DOCK4: variants seen among roughly 807,000 people sequenced by gnomAD.
DOCK4 encodes the protein dedicator of cytokinesis protein 4.
Under a neutral mutation model 268.1 loss-of-function variants are expected in DOCK4, and 97 were observed. The ratio of observed to expected loss-of-function variants is 0.36; its 90% CI spans 0.31 to 0.43. The LOEUF (loss-of-function observed/expected upper bound fraction) is 0.43, where lower values mean the gene tolerates loss of function less well. DOCK4 is among the 20% of genes least tolerant of loss of function. The pLI is 1.00. For synonymous variants in DOCK4, 954 were observed against 887.2 expected (o/e 1.08, Z -1.34); for missense variants, 2,145 against 2,455.7 (o/e 0.87, Z 2.67).
chr7:112,072,714 T>C (rs1326028486), intron 1 of DOCK4, among the ~76,000 whole-genome samples: 1 of 152,162 alleles, frequency 6.6e-6, no homozygotes, highest in Non-Finnish European at 1.5e-5. Flanking sequence ...CACCAGGAAG[T>C]GGCCATCTCC....
chr7:111,983,170 A>T (rs914534467), intron 7 of DOCK4, among the ~76,000 whole-genome samples: 3 of 152,252 alleles, frequency 2.0e-5, no homozygotes, highest in Admixed American at 1.3e-4. Flanking sequence ...TAATCTGAAC[A>T]TCAATTTGAT....
At chr7:111,795,216 C>A (rs73434233) in intron 30 of DOCK4, among the ~76,000 whole-genome samples, 8,437 of 152,084 alleles carry the variant, frequency 0.055, 746 homozygotes, top group African/African-American at 0.19. Context: ...CCTGGTAGTC[C>A]CAGCTACTTG....
chr7:112,181,454 G>A (rs558259098), intron 1 of DOCK4, among the ~76,000 whole-genome samples: 91 of 151,998 alleles, frequency 6.0e-4, no homozygotes, highest in African/African-American at 2.1e-3. Context: ...AGCACAGTTC[G>A]GGACCAGACT....
intron 13 of DOCK4, among the ~76,000 whole-genome samples, chr7:111,915,360 T>A (rs1192189517): frequency 6.6e-6 from 1 of 152,172 alleles, no homozygotes; most frequent in African/African-American, 2.4e-5. Flanking sequence ...TATGGCTAAC[T>A]AGTGTTCAGT....
At chr7:111,767,952 T>C (rs537513645) in intron 37 of DOCK4, among the ~76,000 whole-genome samples, 1 of 152,248 alleles carries the variant, frequency 6.6e-6, no homozygotes, top group African/African-American at 2.4e-5. Context: ...AAAACTTTAG[T>C]CTTTGAGGAC....
intron 22 of DOCK4, among the ~76,000 whole-genome samples, chr7:111,864,403 C>T (rs567760533): frequency 5.3e-5 from 8 of 152,242 alleles, no homozygotes; most frequent in African/African-American, 1.9e-4. Context: ...GAAGAAGAGT[C>T]GACTAGCTTC....
At chr7:111,819,985 T>C (rs1194642472) in intron 27 of DOCK4, 1 of 152,226 alleles carries the variant, frequency 6.6e-6, no homozygotes, top group Admixed American at 6.5e-5. Context: ...TCCTAGTGTA[T>C]GCTCTTTAAC....
chr7:111,739,352 G>A (rs770232738), intron 48 of DOCK4, 44 bp downstream of exon 48: 2 of 1,594,768 alleles, frequency 1.3e-6, no homozygotes, highest in South Asian at 2.2e-5. Flanking sequence ...AGGACTAGAA[G>A]GTTCTCTGGG....
intron 8 of DOCK4, among the ~76,000 whole-genome samples, chr7:111,951,001 T>C (rs1796008197): frequency 6.6e-6 from 1 of 152,218 alleles, no homozygotes; most frequent in African/African-American, 2.4e-5. Flanking sequence ...CCCCATATAC[T>C]GCCATGTTCT....
intron 7 of DOCK4, among the ~76,000 whole-genome samples, chr7:111,983,882 A>ACACACACACACACACACC (rs1798834265): frequency 6.6e-6 from 1 of 151,332 alleles, no homozygotes; most frequent in African/African-American, 2.4e-5. Flanking sequence ...ACACACACAC[A>ACACACACACACACACACC]CACACTATAT....
intron 4 of DOCK4, among the ~76,000 whole-genome samples, chr7:111,997,065 T>C (rs919041923): frequency 3.9e-5 from 6 of 152,214 alleles, no homozygotes; most frequent in East Asian, 1.9e-4. Context: ...GGGTAGCCCA[T>C]GGTGTTTTCA....
intron 12 of DOCK4, among the ~76,000 whole-genome samples, chr7:111,927,529 C>CG (rs1303162047): frequency 4.6e-5 from 7 of 152,274 alleles, no homozygotes; most frequent in African/African-American, 1.7e-4. Context: ...TCAACATTTC[C>CG]TTTTTAACTA....
chr7:111,973,154 G>GGC (rs1554399497), intron 8 of DOCK4, among the ~76,000 whole-genome samples: 14 of 50,000 alleles, frequency 2.8e-4, no homozygotes, highest in East Asian at 2.4e-3. Context: ...AGTATTCCAT[G>GGC]GCATATATAT....
chr7:111,996,113 A>C (rs999337654), intron 4 of DOCK4, among the ~76,000 whole-genome samples: 7 of 152,206 alleles, frequency 4.6e-5, no homozygotes, highest in African/African-American at 1.7e-4. Flanking sequence ...TTAACATTTA[A>C]AAAGTGACAT....
chr7:111,732,161 G>A, intron 52 of DOCK4, 65 bp downstream of exon 52: 1 of 1,497,440 alleles, frequency 6.7e-7, no homozygotes, highest in Non-Finnish European at 9.2e-7. Context: ...ATATATCTGG[G>A]ATGAGTCTTA....
intron 6 of DOCK4, 79 bp from the exon 7 acceptor site, chr7:111,984,469 T>G: frequency 8.1e-7 from 1 of 1,236,412 alleles, no homozygotes; most frequent in Non-Finnish European, 1.1e-6. Context: ...TTTTACTATA[T>G]CACTTGGAAA....
intron 36 of DOCK4, among the ~76,000 whole-genome samples, chr7:111,775,756 G>GGGCAGT (rs1044081724): frequency 3.9e-5 from 6 of 152,198 alleles, no homozygotes; most frequent in East Asian, 1.9e-4. Context: ...GTGGCAGTGG[G>GGGCAGT]GGCAGTGGCA....
chr7:111,987,430 G>A (rs1025491480), intron 6 of DOCK4, among the ~76,000 whole-genome samples: 1 of 151,842 alleles, frequency 6.6e-6, no homozygotes. Context: ...CTTTAAATGA[G>A]GACCAGCATA....
intron 1 of DOCK4, among the ~76,000 whole-genome samples, chr7:112,144,558 C>A (rs1285808385): frequency 6.6e-6 from 1 of 152,180 alleles, no homozygotes; most frequent in Non-Finnish European, 1.5e-5. Flanking sequence ...CAGCTGCAAC[C>A]TAGGTCAGAT....
Sources: gnomAD v4.1 joint callset for allele counts (sites outside exome capture counted in the v4.1 genomes callset) on GRCh38, gnomAD v4.1.1 for gene constraint, MANE v1.5 for transcripts, NCBI Gene and HGNC (gene_info 2026-07-23, HGNC 2026-07-21) for gene names.